DPYD: variants seen among roughly 807,000 people sequenced by gnomAD.
DPYD encodes dihydropyrimidine dehydrogenase [NADP(+)].
A neutral mutation model predicts 116.2 loss-of-function variants in DPYD; 109 were observed. That is an observed-to-expected ratio of 0.94 (90% CI 0.80 to 1.10). The LOEUF (loss-of-function observed/expected upper bound fraction) is 1.10. Ranked by LOEUF, DPYD falls within the 50% of genes least tolerant of loss-of-function variation. DPYD has a pLI of 0.00. For missense variants in DPYD, 1,302 were observed against 1,254.5 expected (o/e 1.04, Z -0.57); for synonymous variants, 440 against 432.0 (o/e 1.02, Z -0.23).
At chr1:97,196,290 A>AT (rs955290521) in intron 19 of DPYD, among the ~76,000 whole-genome samples, 3 of 151,556 alleles carry the variant, frequency 2.0e-5, no homozygotes, top group South Asian at 4.2e-4. Context: ...TTATTTATTT[A>AT]TTTTTTTATT....
intron 2 of DPYD, among the ~76,000 whole-genome samples, chr1:97,833,291 A>T (rs1191078725): frequency 6.6e-6 from 1 of 152,142 alleles, no homozygotes; most frequent in Non-Finnish European, 1.5e-5. Flanking sequence ...AGAAAAAAAA[A>T]TCTTGAAAAT....
intron 14 of DPYD, among the ~76,000 whole-genome samples, chr1:97,445,287 C>T (rs1193662814): frequency 6.6e-6 from 1 of 152,208 alleles, no homozygotes; most frequent in Non-Finnish European, 1.5e-5. Flanking sequence ...TGAGTGCCTT[C>T]ATGTCTCTGC....
intron 19 of DPYD, among the ~76,000 whole-genome samples, chr1:97,226,055 A>T (rs1661133064): frequency 6.6e-6 from 1 of 152,160 alleles, no homozygotes; most frequent in African/African-American, 2.4e-5. Flanking sequence ...ATCAAATAGC[A>T]GTCATCTTAG....
chr1:97,226,256 A>G (rs1301916955), intron 19 of DPYD, among the ~76,000 whole-genome samples: 1 of 152,176 alleles, frequency 6.6e-6, no homozygotes, highest in Non-Finnish European at 1.5e-5. Context: ...TAAAGGCCAT[A>G]TATCACAAGC....
At chr1:97,854,633 C>T (rs1363276716) in intron 2 of DPYD, among the ~76,000 whole-genome samples, 4 of 152,272 alleles carry the variant, frequency 2.6e-5, no homozygotes, top group East Asian at 1.9e-4. Flanking sequence ...ATTGCTGATA[C>T]GTGAAAAGTT....
In DPYD at chr1:97,305,374, AC is replaced by A; in HGVS notation, c.2183del (p.Gly728ValfsTer14). 6.2e-7 allele frequency: 1 copy of A among 1,612,312 alleles called. No individual in the cohort carries two copies. The highest frequency in any genetic ancestry group is 8.5e-7 in the Non-Finnish European group (1 of 1,178,790). ...TGTTGGTGGCTGTAACGCCATTGGC[AC>A]CACCTATGCAAGACACATCAACATT... ...VSIARAAKEG[G>X]ANGVTATNTV... On this transcript the variant is annotated frameshift_variant, in exon 18 of 23. Coordinates refer to ENST00000370192, the MANE Select transcript of DPYD (RefSeq NM_000110.4). LOFTEE classifies it high-confidence loss of function.
chr1:97,400,534 C>A (rs1335681236), intron 14 of DPYD, among the ~76,000 whole-genome samples: 3 of 152,134 alleles, frequency 2.0e-5, no homozygotes, highest in African/African-American at 7.2e-5. Flanking sequence ...GTACCAGCTC[C>A]TTCTTGCACC....
chr1:97,304,489 T>A (rs1342400939), intron 18 of DPYD, among the ~76,000 whole-genome samples: 2 of 152,012 alleles, frequency 1.3e-5, no homozygotes, highest in African/African-American at 4.8e-5. Context: ...TTTATTTGTG[T>A]CTGTCCAGCC....
chr1:97,257,116 G>T (rs1413241), intron 18 of DPYD, among the ~76,000 whole-genome samples: 64,770 of 151,702 alleles, frequency 0.43, 17,622 homozygotes, highest in East Asian at 0.73. Context: ...GAGTTTTTTT[G>T]ATTAGAACAT....
intron 2 of DPYD, among the ~76,000 whole-genome samples, chr1:97,876,552 C>A (rs1671931314): frequency 6.6e-6 from 1 of 151,984 alleles, no homozygotes; most frequent in Admixed American, 6.6e-5. Context: ...ACTCCAACAG[C>A]CTTCATTTGA....
intron 2 of DPYD, chr1:97,856,669 AAGG>A (rs1419006559): frequency 1.3e-5 from 2 of 152,260 alleles, no homozygotes; most frequent in Non-Finnish European, 2.9e-5. Context: ...ATCTCTGATG[AAGG>A]AGGAGTATCA....
At chr1:97,502,984 A>T (rs898748558) in intron 13 of DPYD, among the ~76,000 whole-genome samples, 7 of 152,012 alleles carry the variant, frequency 4.6e-5, no homozygotes, top group Non-Finnish European at 8.8e-5. Context: ...CTTACAGAAG[A>T]GGTAACCCTC....
At chr1:97,173,359 CAT>C (rs573950504) in intron 20 of DPYD, among the ~76,000 whole-genome samples, 89 of 148,022 alleles carry the variant, frequency 6.0e-4, no homozygotes, top group South Asian at 5.8e-3. Flanking sequence ...CATATATGTA[CAT>C]ATATACATAT....
chr1:97,666,394 G>C (rs115816339), intron 8 of DPYD, among the ~76,000 whole-genome samples: 1 of 151,974 alleles, frequency 6.6e-6, no homozygotes, highest in Non-Finnish European at 1.5e-5. Context: ...CTTGGCCTCA[G>C]GCGATCCTCC....
At chr1:97,805,479 A>G (rs1668035578) in intron 3 of DPYD, among the ~76,000 whole-genome samples, 2 of 151,918 alleles carry the variant, frequency 1.3e-5, no homozygotes, top group African/African-American at 2.4e-5. Context: ...TCCTTTAAAC[A>G]TAATGATATG....
intron 4 of DPYD, among the ~76,000 whole-genome samples, chr1:97,731,336 C>A (rs1372397516): frequency 6.6e-6 from 1 of 151,924 alleles, no homozygotes; most frequent in Non-Finnish European, 1.5e-5. Context: ...ATAATTTAAA[C>A]CCATTAATAG....
At chr1:97,190,778 C>T (rs1658295811) in intron 20 of DPYD, among the ~76,000 whole-genome samples, 1 of 152,184 alleles carries the variant, frequency 6.6e-6, no homozygotes, top group African/African-American at 2.4e-5. Flanking sequence ...GCCCAAGTCT[C>T]ATTTTCTCTC....
chr1:97,167,752 T>G (rs1656431942), intron 20 of DPYD, among the ~76,000 whole-genome samples: 1 of 152,192 alleles, frequency 6.6e-6, no homozygotes, highest in African/African-American at 2.4e-5. Context: ...GTTAAACAAT[T>G]TCTTGAAATG....
intron 20 of DPYD, among the ~76,000 whole-genome samples, chr1:97,100,652 C>A (rs746105245): frequency 1.3e-5 from 2 of 152,026 alleles, no homozygotes; most frequent in Non-Finnish European, 2.9e-5. Context: ...ATCATTCTTG[C>A]AACCTTTTAA....
Sources: allele counts gnomAD v4.1 joint callset (sites outside exome capture counted in the v4.1 genomes callset), GRCh38; gene constraint gnomAD v4.1.1; transcripts MANE v1.5; gene names NCBI Gene and HGNC (gene_info 2026-07-23, HGNC 2026-07-21).